THADA: variants seen among roughly 807,000 people sequenced by gnomAD.
THADA encodes THADA armadillo repeat containing.
A neutral mutation model predicts 219.8 loss-of-function variants in THADA; 213 were observed. That is an observed-to-expected ratio of 0.97 (90% confidence interval 0.87 to 1.09). The LOEUF (loss-of-function observed/expected upper bound fraction) is 1.09. Among genes scored for constraint, THADA ranks in the 50% least tolerant of loss-of-function variants. THADA has a pLI of 0.00. For missense variants in THADA, 2,956 were observed against 2,311.3 expected, an observed-to-expected ratio of 1.28 and a Z score of -5.72; for synonymous variants, 1,018 against 828.9, an observed-to-expected ratio of 1.23 and a Z score of -3.92.
chr2:43,367,792 C>T (rs59362315), intron 29 of THADA, among the ~76,000 whole-genome samples: 35,937 of 152,064 alleles, frequency 0.24, 5,035 homozygotes, highest in African/African-American at 0.38. Context: ...AAAAAGCCCA[C>T]AGACCAAAAT....
intron 36 of THADA, among the ~76,000 whole-genome samples, chr2:43,273,470 A>G (rs1178702800): frequency 1.3e-5 from 2 of 152,184 alleles, no homozygotes; most frequent in Non-Finnish European, 2.9e-5. Flanking sequence ...CTCTGGCACC[A>G]CAGAGCAGAA....
At chr2:43,330,215 C>T (rs565978755) in intron 30 of THADA, among the ~76,000 whole-genome samples, 137 of 152,326 alleles carry the variant, frequency 9.0e-4, no homozygotes, top group African/African-American at 2.9e-3. Context: ...CCCAGGAACG[C>T]AGAGCCTGCG....
intron 29 of THADA, among the ~76,000 whole-genome samples, chr2:43,383,580 C>G (rs1374993901): frequency 6.6e-6 from 1 of 152,212 alleles, no homozygotes; most frequent in East Asian, 1.9e-4. Flanking sequence ...AAACGTTCAT[C>G]TGAATTAGTA....
rs1287599014 is a variant in THADA at position 43,392,686 on chromosome 2, C to T, written c.4227+5285G>A. 2.6e-5 allele frequency among the ~76,000 whole-genome samples: 4 copies of T among 152,004 alleles called. No homozygotes were observed. In the East Asian group the frequency reaches 5.8e-4, roughly 22 times the overall value. On this transcript the variant is annotated intron_variant, in intron 29 of 37. Coordinates refer to ENST00000405975, the MANE Select transcript of THADA (RefSeq NM_022065.5). The stretch of plus-strand genomic sequence containing the variant: ...TAAACACAGAATCTATTGGGGTGCT[C>T]CAGACTCAAGCAGAAATGGCCTCAG...
intron 36 of THADA, among the ~76,000 whole-genome samples, chr2:43,244,440 C>T (rs1668928597): frequency 6.6e-6 from 1 of 152,248 alleles, no homozygotes; most frequent in African/African-American, 2.4e-5. Context: ...TCCAGCCCTT[C>T]CGGGTGCTTC....
intron 20 of THADA, among the ~76,000 whole-genome samples, chr2:43,543,337 A>C (rs561382524): frequency 9.1e-4 from 135 of 147,958 alleles, no homozygotes; most frequent in African/African-American, 3.1e-3. Flanking sequence ...ATAAACATAC[A>C]TGTGCATGTG....
intron 28 of THADA, among the ~76,000 whole-genome samples, chr2:43,415,426 T>C (rs1676824247): frequency 1.3e-5 from 2 of 152,180 alleles, no homozygotes; most frequent in Admixed American, 1.3e-4. Context: ...AAAAAGGGAC[T>C]GTTAATGGGA....
At position 43,269,622 on chromosome 2, in the gene THADA, A is replaced by AC. The variant is rs1221934743; in HGVS notation, c.5296+10142dup. On this transcript the variant is annotated intron_variant, in intron 36 of 37. Transcript: ENST00000405975. ...CGGCAACCGGAGCTCCACCGTGCCC[A>AC]CCCACTGCAGCTGGCAGGAATGGGG... Among the ~76,000 whole-genome samples the AC allele has an allele frequency of 2.0e-5, 3 of 152,344 alleles. No homozygotes were observed. The East Asian group carries it at 5.8e-4, about 29-fold the overall frequency.
chr2:43,431,025 C>A (rs1248906238), intron 26 of THADA, among the ~76,000 whole-genome samples: 2 of 152,132 alleles, frequency 1.3e-5, no homozygotes, highest in East Asian at 1.9e-4. Flanking sequence ...TCTTGAACTA[C>A]GAAAGTAGAA....
At chr2:43,419,100 T>G (rs1171607305) in intron 28 of THADA, among the ~76,000 whole-genome samples, 1 of 152,188 alleles carries the variant, frequency 6.6e-6, no homozygotes, top group African/African-American at 2.4e-5. Context: ...AACCCACACC[T>G]GATGGCCTCC....
Position 43,232,829 on chromosome 2 carries a change from C to CGGCCAG in THADA, c.5344_5349dup (p.Leu1782_Ala1783dup), listed in dbSNP as rs773201825. The stretch of plus-strand genomic sequence containing the variant: ...CACTGCTGGAGCAGATCACACAGGA[C>CGGCCAG]GGCCAGGGCCAGGGCCAGAGCGATG... On this transcript the variant is annotated inframe_insertion, in exon 37 of 38. Transcript: ENST00000405975. 2.5e-5 allele frequency: 40 copies of CGGCCAG among 1,612,616 alleles called. No homozygotes were observed. Among genetic ancestry groups the CGGCCAG allele is most frequent in the Admixed American group, 3.3e-5 (2 of 59,768 alleles).
intron 36 of THADA, among the ~76,000 whole-genome samples, chr2:43,273,356 A>C (rs1482571027): frequency 6.6e-6 from 1 of 152,118 alleles, no homozygotes; most frequent in Non-Finnish European, 1.5e-5. Context: ...GCTTGGAGAT[A>C]GGTAGGAGGA....
At chr2:43,534,841 T>C (rs891101887) in intron 21 of THADA, among the ~76,000 whole-genome samples, 6 of 152,106 alleles carry the variant, frequency 3.9e-5, no homozygotes, top group Non-Finnish European at 7.4e-5. Context: ...ACTGATTTCC[T>C]TCTCCTTGGA....
chr2:43,277,772 G>C (rs1225199506), intron 36 of THADA, among the ~76,000 whole-genome samples: 1 of 152,104 alleles, frequency 6.6e-6, no homozygotes, highest in Non-Finnish European at 1.5e-5. Context: ...CACCGATTTG[G>C]GGACAAAAGA....
intron 21 of THADA, among the ~76,000 whole-genome samples, chr2:43,540,862 G>GTTTAA: frequency 6.6e-6 from 1 of 152,212 alleles, no homozygotes; most frequent in Non-Finnish European, 1.5e-5. Context: ...TTAAGCTAAA[G>GTTTAA]TTTAAGTCTG....
intron 28 of THADA, among the ~76,000 whole-genome samples, chr2:43,425,274 G>A (rs1218558958): frequency 6.6e-6 from 1 of 151,998 alleles, no homozygotes; most frequent in African/African-American, 2.4e-5. Context: ...TTCAATACTT[G>A]GCAGAAAGAC....
chr2:43,277,655 A>C (rs1219709943), intron 36 of THADA, among the ~76,000 whole-genome samples: 2 of 152,242 alleles, frequency 1.3e-5, no homozygotes, highest in African/African-American at 4.8e-5. Context: ...CTTCGAGGAA[A>C]ACTGAGAAGT....
intron 29 of THADA, among the ~76,000 whole-genome samples, chr2:43,351,882 T>A (rs1340773751): frequency 6.6e-6 from 1 of 152,192 alleles, no homozygotes; most frequent in Non-Finnish European, 1.5e-5. Flanking sequence ...TAATTATGAG[T>A]TCCTTCACAG....
intron 31 of THADA, among the ~76,000 whole-genome samples, chr2:43,313,157 T>C (rs996649480): frequency 1.3e-5 from 2 of 152,216 alleles, no homozygotes; most frequent in African/African-American, 4.8e-5. Context: ...TTGTTGAACA[T>C]TTCTCACAGA....
Sources: allele counts gnomAD v4.1 joint callset (sites outside exome capture counted in the v4.1 genomes callset), GRCh38; gene constraint gnomAD v4.1.1; transcripts MANE v1.5; gene names NCBI Gene and HGNC (gene_info 2026-07-23, HGNC 2026-07-21).